PLCG2: variants seen among roughly 807,000 people sequenced by gnomAD.
PLCG2 encodes the protein phospholipase C gamma 2, also known as 1-phosphatidylinositol 4,5-bisphosphate phosphodiesterase gamma-2.
Under a neutral mutation model 175.6 loss-of-function variants are expected in PLCG2, and 69 were observed. The ratio of observed to expected loss-of-function variants is 0.39; its 90% CI spans 0.32 to 0.48. The LOEUF (loss-of-function observed/expected upper bound fraction) is 0.48. Ranked by LOEUF, PLCG2 falls within the 20% of genes least tolerant of loss-of-function variation. The pLI, the probability that PLCG2 is intolerant of heterozygous loss-of-function variation, is 0.91. For synonymous variants in PLCG2, 827 were observed against 624.0 expected (o/e 1.33, Z -4.85); for missense variants, 1,798 against 1,650.9 (o/e 1.09, Z -1.54).
At chr16:81,836,398 C>A (rs1905518772) in intron 2 of PLCG2, among the ~76,000 whole-genome samples, 1 of 152,126 alleles carries the variant, frequency 6.6e-6, no homozygotes, top group Non-Finnish European at 1.5e-5. Flanking sequence ...GGGGAGAGCA[C>A]TTTGGATCTT....
At chr16:81,745,923 T>C (rs1057150470) in intron 1 of PLCG2, among the ~76,000 whole-genome samples, 1 of 152,234 alleles carries the variant, frequency 6.6e-6, no homozygotes, top group Non-Finnish European at 1.5e-5. Context: ...GCGAACGACC[T>C]GACTCTCTGT....
chr16:81,892,241 C>A (rs1421584724), intron 11 of PLCG2, among the ~76,000 whole-genome samples: 1 of 152,166 alleles, frequency 6.6e-6, no homozygotes, highest in East Asian at 1.9e-4. Flanking sequence ...GGAGCAGGAT[C>A]TTGTAGGTCA....
intron 22 of PLCG2, 105 bp downstream of exon 22, chr16:81,923,699 G>A: frequency 1.5e-6 from 1 of 650,916 alleles, no homozygotes; most frequent in African/African-American, 1.8e-5. Context: ...TTGTCATCCT[G>A]GGCTGGCTTT....
intron 7 of PLCG2, among the ~76,000 whole-genome samples, chr16:81,880,254 G>T (rs1288722522): frequency 6.6e-6 from 1 of 152,210 alleles, no homozygotes; most frequent in African/African-American, 2.4e-5. Context: ...AAACCTGGCA[G>T]TGAGGATATA....
At chr16:81,750,118 A>G (rs1020864557) in intron 1 of PLCG2, among the ~76,000 whole-genome samples, 10 of 152,162 alleles carry the variant, frequency 6.6e-5, no homozygotes, top group African/African-American at 2.4e-4. Flanking sequence ...TATAAGATCC[A>G]GCAATTTGGC....
chr16:81,928,822 T>C (rs1910385313), intron 24 of PLCG2, 198 bp downstream of exon 24: 1 of 502,326 alleles, frequency 2.0e-6, no homozygotes, highest in East Asian at 2.8e-5. Context: ...CTACTAAAAC[T>C]GTAAGTGCTA....
intron 24 of PLCG2, among the ~76,000 whole-genome samples, chr16:81,930,935 G>A (rs573708157): frequency 7.2e-5 from 11 of 152,150 alleles, no homozygotes; most frequent in East Asian, 1.9e-4. Context: ...AAATGAACAT[G>A]TATTGTTTTA....
chr16:81,841,204 CTTTATTTATTTATTTA>C (rs144363484), intron 2 of PLCG2, among the ~76,000 whole-genome samples: 42,341 of 144,612 alleles, frequency 0.29, 7,133 homozygotes, highest in East Asian at 0.58. Flanking sequence ...AAAAAGTAAA[CTTTATTTATTTATTTA>C]TTTATTTATT....
Position 81,874,955 on chromosome 16 carries a change from T to TGTTTTTTTGTTC in PLCG2, c.648+4020_648+4021insGTTTTTTTGTTC, listed in dbSNP as rs565922068. Among the ~76,000 whole-genome samples the TGTTTTTTTGTTC allele has an allele frequency of 5.0e-3, 647 of 130,102 alleles. 40 individuals are homozygous for TGTTTTTTTGTTC. Among genetic ancestry groups the TGTTTTTTTGTTC allele is most frequent in the South Asian group, 5.9e-3 (23 of 3,896 alleles). The allele number at this position is 130,102 out of a possible 152,430, so 85.4% of individuals were successfully genotyped here. ...CTAGGCACTATCCTATGTGTTTTTT[T>TGTTTTTTTGTTC]TTTTTTTTTTTTTTTTTTTTTTATT... On this transcript the variant is annotated intron_variant, in intron 7 of 32. Transcript: ENST00000564138.
chr16:81,810,968 G>A (rs1296336838), intron 2 of PLCG2, among the ~76,000 whole-genome samples: 3 of 152,190 alleles, frequency 2.0e-5, no homozygotes, highest in African/African-American at 7.2e-5. Flanking sequence ...AGCAGCCCAG[G>A]GAACAGCAGC....
chr16:81,805,227 C>T (rs185752566), intron 2 of PLCG2, among the ~76,000 whole-genome samples: 2,729 of 152,220 alleles, frequency 0.018, 27 homozygotes, highest in Admixed American at 0.029. Flanking sequence ...AGGCCAGGCT[C>T]GGTAGCTCAT....
chr16:81,918,447 C>T (rs981946782), intron 19 of PLCG2, among the ~76,000 whole-genome samples: 1 of 152,100 alleles, frequency 6.6e-6, no homozygotes, highest in Non-Finnish European at 1.5e-5. Context: ...GAATTTATTT[C>T]AAAATTCTTT....
At chr16:81,899,345 C>T (rs564110526) in intron 13 of PLCG2, among the ~76,000 whole-genome samples, 1 of 150,518 alleles carries the variant, frequency 6.6e-6, no homozygotes, top group South Asian at 2.1e-4. Context: ...TATGTATATA[C>T]ATGTACTAAT....
At chr16:81,951,704 G>A (rs1217255081) in intron 31 of PLCG2, among the ~76,000 whole-genome samples, 1 of 152,186 alleles carries the variant, frequency 6.6e-6, no homozygotes, top group Non-Finnish European at 1.5e-5. Context: ...ATATCCAGCT[G>A]TTTACTAGAA....
At chr16:81,826,379 G>A (rs2036735537) in intron 2 of PLCG2, among the ~76,000 whole-genome samples, 4 of 152,124 alleles carry the variant, frequency 2.6e-5, no homozygotes, top group Admixed American at 2.6e-4. Flanking sequence ...GTCAGTGTAG[G>A]GGTCCATGGG....
At chr16:81,843,822 C>T (rs954126947) in intron 2 of PLCG2, among the ~76,000 whole-genome samples, 2 of 152,224 alleles carry the variant, frequency 1.3e-5, no homozygotes, top group Non-Finnish European at 2.9e-5. Flanking sequence ...GAAAGAAGAA[C>T]TCAATAGAAT....
chr16:81,926,151 G>A (rs1181807376), intron 22 of PLCG2, among the ~76,000 whole-genome samples: 1 of 152,220 alleles, frequency 6.6e-6, no homozygotes, highest in Non-Finnish European at 1.5e-5. Context: ...CATGGCAGGG[G>A]CATGATAGGG....
intron 9 of PLCG2, among the ~76,000 whole-genome samples, chr16:81,888,906 C>A (rs1908500192): frequency 6.6e-6 from 1 of 152,148 alleles, no homozygotes; most frequent in South Asian, 2.1e-4. Flanking sequence ...TTTTGCAACA[C>A]AACAGCGGAG....
chr16:81,849,357 T>C (rs1353619882), intron 2 of PLCG2, among the ~76,000 whole-genome samples: 3 of 152,222 alleles, frequency 2.0e-5, no homozygotes, highest in Non-Finnish European at 4.4e-5. Flanking sequence ...GTAGAATTGT[T>C]AAAATCTGGC....
Sources: gnomAD v4.1 joint callset for allele counts (sites outside exome capture counted in the v4.1 genomes callset) on GRCh38, gnomAD v4.1.1 for gene constraint, MANE v1.5 for transcripts, NCBI Gene and HGNC (gene_info 2026-07-23, HGNC 2026-07-21) for gene names.